The following PTPRQ variants were observed in gnomAD, a reference collection of about 807,000 sequenced individuals.
The protein encoded by PTPRQ is protein tyrosine phosphatase receptor type Q.
A neutral mutation model predicts 246.0 loss-of-function variants in PTPRQ; 199 were observed. That is an observed-to-expected ratio of 0.81 (90% CI 0.72 to 0.91). PTPRQ has a LOEUF of 0.91. Among genes scored for constraint, PTPRQ ranks in the 40% least tolerant of loss-of-function variants. The probability of loss-of-function intolerance (pLI) is 0.00; values close to 1 mark genes in which losing one functional copy is unlikely to be tolerated. For missense variants in PTPRQ, 2,624 were observed against 2,528.4 expected (o/e 1.04, Z -0.81); for synonymous variants, 869 against 853.2 (o/e 1.02, Z -0.32).
At position 80,542,228 on chromosome 12, in the gene PTPRQ, TTC is replaced by T. The variant is rs1321982618; in HGVS notation, c.3587_3588del (p.Ser1196PhefsTer5). 6.4e-7 allele frequency: 1 copy of T among 1,550,874 alleles called. No individual in the cohort carries two copies. Among genetic ancestry groups the T allele is most frequent in the South Asian group, 1.2e-5 (1 of 84,000 alleles). On this transcript the variant is annotated frameshift_variant, in exon 22 of 45. Transcript: ENST00000644991. LOFTEE classifies it high-confidence loss of function. ...LTLQGPNENY[S>X]FITSDNYIIL... ...CTTTACAAGGACCAAATGAAAATTA[TTC>T]TTTCATTACTTCTGATAATTACATA...
At position 80,508,051 on chromosome 12, in the gene PTPRQ, C is replaced by T. The variant is rs563100850; in HGVS notation, c.2557+1381C>T. On this transcript the variant is annotated intron_variant, in intron 16 of 44. Coordinates refer to ENST00000644991, the MANE Select transcript of PTPRQ (RefSeq NM_001145026.2). ...TGAACATATATTTTGAGCAGGCAGA[C>T]GTTTTACCACTCAAGTCAATAGTTC... is the stretch of plus-strand genomic sequence containing the variant. Among the ~76,000 whole-genome samples, 4 of 152,016 alleles carry T rather than the reference C, an allele frequency of 2.6e-5. 1 individual carries two copies. The South Asian group carries it at 6.2e-4, about 24-fold the overall frequency.
At chr12:80,487,273 GA>G (rs1894307512) in intron 9 of PTPRQ, among the ~76,000 whole-genome samples, 1 of 152,084 alleles carries the variant, frequency 6.6e-6, no homozygotes, top group Non-Finnish European at 1.5e-5. Context: ...TTCATGATGG[GA>G]GGGAAGATGT....
intron 27 of PTPRQ, among the ~76,000 whole-genome samples, chr12:80,608,681 C>T (rs1408747404): frequency 6.7e-6 from 1 of 149,338 alleles, no homozygotes; most frequent in African/African-American, 2.5e-5. Context: ...GGGCTCAAAT[C>T]CTTCCTCTGC....
chr12:80,514,402 A>ACACACACACACACACTCTCT (rs552667526), intron 17 of PTPRQ, among the ~76,000 whole-genome samples: 30,342 of 112,766 alleles, frequency 0.27, 5,299 homozygotes, highest in Non-Finnish European at 0.38. Context: ...ACACACACAC[A>ACACACACACACACACTCTCT]CTCTCTCTCT....
At chr12:80,527,128 T>C (rs1358536140) in intron 17 of PTPRQ, among the ~76,000 whole-genome samples, 2 of 152,084 alleles carry the variant, frequency 1.3e-5, no homozygotes, top group African/African-American at 4.8e-5. Context: ...CCATCTTTCT[T>C]ATTTCTTGAC....
chr12:80,479,964 C>T (rs558920571), intron 8 of PTPRQ, among the ~76,000 whole-genome samples: 11 of 151,930 alleles, frequency 7.2e-5, no homozygotes, highest in East Asian at 3.9e-4. Flanking sequence ...GACAGATCAA[C>T]AAGACAGAAA....
intron 23 of PTPRQ, among the ~76,000 whole-genome samples, chr12:80,544,777 T>A (rs1896255827): frequency 6.6e-6 from 1 of 152,128 alleles, no homozygotes; most frequent in Admixed American, 6.6e-5. Context: ...CAATTTATAT[T>A]ATTTTCTCTG....
At position 80,636,404 on chromosome 12, in the gene PTPRQ, T is replaced by A. The variant is rs554174134; in HGVS notation, c.5915+1331T>A. 2.2e-4 allele frequency among the ~76,000 whole-genome samples: 34 copies of A among 152,340 alleles called. 1 individual carries two copies. In the South Asian group the frequency reaches 7.0e-3, roughly 32 times the overall value. ...CACAAGCACTGCTACTACTAGACTG[T>A]GTCTCAGCCCTTAAGGAATCATTCT... On this transcript the variant is annotated intron_variant, in intron 35 of 44. Transcript: ENST00000644991.
chr12:80,501,488 C>A (rs4312126), intron 14 of PTPRQ, among the ~76,000 whole-genome samples: 77,731 of 151,616 alleles, frequency 0.51, 24,564 homozygotes, highest in Non-Finnish European at 0.7. Context: ...ATTATGAAGG[C>A]AGTTAGATAA....
intron 37 of PTPRQ, among the ~76,000 whole-genome samples, chr12:80,651,932 TAAGA>T (rs375241234): frequency 1.3e-5 from 2 of 151,866 alleles, no homozygotes; most frequent in African/African-American, 4.8e-5. Context: ...GAAAAAAAAA[TAAGA>T]AAGGGAAACT....
At chr12:80,446,393 G>A (rs975854940) in intron 3 of PTPRQ, among the ~76,000 whole-genome samples, 8 of 151,686 alleles carry the variant, frequency 5.3e-5, no homozygotes, top group Admixed American at 5.3e-4. Flanking sequence ...TAAGAACATG[G>A]CCTTGTTCTG....
At chr12:80,605,905 T>G (rs1381666035) in intron 27 of PTPRQ, among the ~76,000 whole-genome samples, 1 of 150,744 alleles carries the variant, frequency 6.6e-6, no homozygotes, top group African/African-American at 2.4e-5. Flanking sequence ...AGAGGATAGA[T>G]TGAGAGCAGT....
At chr12:80,461,813 C>CT (rs1477761311) in intron 6 of PTPRQ, among the ~76,000 whole-genome samples, 1 of 151,108 alleles carries the variant, frequency 6.6e-6, no homozygotes, top group East Asian at 1.9e-4. Flanking sequence ...AAATAACCAT[C>CT]TTTGAATTAT....
intron 25 of PTPRQ, among the ~76,000 whole-genome samples, chr12:80,554,899 T>C (rs1442424917): frequency 6.6e-6 from 1 of 152,070 alleles, no homozygotes; most frequent in Non-Finnish European, 1.5e-5. Flanking sequence ...TGCACCACCA[T>C]GACCAGCTTA....
chr12:80,454,951 C>T (rs531408076), intron 3 of PTPRQ, among the ~76,000 whole-genome samples: 6 of 152,192 alleles, frequency 3.9e-5, no homozygotes, highest in East Asian at 1.9e-4. Context: ...CCGAGGCGGG[C>T]GGATCACCTG....
At chr12:80,499,377 T>C (rs943078122) in intron 14 of PTPRQ, among the ~76,000 whole-genome samples, 1 of 152,022 alleles carries the variant, frequency 6.6e-6, no homozygotes, top group Non-Finnish European at 1.5e-5. Context: ...TAGTGACTTT[T>C]CCTAGATTAT....
At chr12:80,479,044 T>C (rs547452628) in intron 8 of PTPRQ, among the ~76,000 whole-genome samples, 8,944 of 150,122 alleles carry the variant, frequency 0.06, 670 homozygotes, top group African/African-American at 0.18. Flanking sequence ...AGATACTCCT[T>C]GAGAAGAGCA....
rs376520375 is a variant in PTPRQ at position 80,455,677 on chromosome 12, G to A, written c.391-1898G>A. Among the ~76,000 whole-genome samples the A allele has an allele frequency of 5.1e-4, 76 of 148,316 alleles. 1 individual carries two copies. The East Asian group carries it at 0.015, about 30-fold the overall frequency. On this transcript the variant is annotated intron_variant, in intron 3 of 44. Coordinates refer to ENST00000644991, the MANE Select transcript of PTPRQ (RefSeq NM_001145026.2). ...CCGATCTCGGCTCACTGCAAGCTCC[G>A]CCTCCCAGGTTCACGCCATTCTCCT...
intron 40 of PTPRQ, 94 bp downstream of exon 40, chr12:80,669,235 C>T (rs1490375439): frequency 4.6e-6 from 7 of 1,527,222 alleles, no homozygotes; most frequent in Non-Finnish European, 6.2e-6. Flanking sequence ...CATCAATAAC[C>T]TGGACATCTA....
Sources: gnomAD v4.1 joint callset for allele counts (sites outside exome capture counted in the v4.1 genomes callset) on GRCh38, gnomAD v4.1.1 for gene constraint, MANE v1.5 for transcripts, NCBI Gene and HGNC (gene_info 2026-07-23, HGNC 2026-07-21) for gene names.